The following SLC35F4 variants were observed in gnomAD, a reference collection of about 807,000 sequenced individuals.
SLC35F4 encodes chromosome 14 open reading frame 36.
Under a neutral mutation model 44.2 loss-of-function variants are expected in SLC35F4, and 24 were observed. The ratio of observed to expected loss-of-function variants is 0.54; its 90% CI spans 0.39 to 0.76. The LOEUF (loss-of-function observed/expected upper bound fraction) is 0.76. Ranked by LOEUF, SLC35F4 falls within the 30% of genes least tolerant of loss-of-function variation. SLC35F4 has a pLI of 0.00. For missense variants in SLC35F4, 562 were observed against 586.1 expected (o/e 0.96, Z 0.42); for synonymous variants, 238 against 223.6 (o/e 1.06, Z -0.57).
At chr14:57,663,698 G>A (rs1174490241) in intron 1 of SLC35F4, among the ~76,000 whole-genome samples, 4 of 152,156 alleles carry the variant, frequency 2.6e-5, no homozygotes, top group Non-Finnish European at 5.9e-5. Flanking sequence ...AGAGCCACAG[G>A]TAACTAAAAT....
At chr14:57,795,806 C>A (rs1157516885) in intron 1 of SLC35F4, among the ~76,000 whole-genome samples, 1 of 151,766 alleles carries the variant, frequency 6.6e-6, no homozygotes, top group East Asian at 1.9e-4. Flanking sequence ...TTCCTTCCAA[C>A]CTTTATATTA....
intron 3 of SLC35F4, among the ~76,000 whole-genome samples, chr14:57,587,419 T>G (rs936056162): frequency 6.6e-6 from 1 of 152,176 alleles, no homozygotes; most frequent in Non-Finnish European, 1.5e-5. Context: ...GTGGCACATA[T>G]ACACTATGGA....
intron 1 of SLC35F4, among the ~76,000 whole-genome samples, chr14:57,791,667 A>G (rs1279110814): frequency 6.6e-6 from 1 of 152,242 alleles, no homozygotes; most frequent in Non-Finnish European, 1.5e-5. Flanking sequence ...ATGCACATGT[A>G]TATTTACTAC....
chr14:57,909,238 C>A (rs1299730555), intron 1 of SLC35F4, among the ~76,000 whole-genome samples: 3 of 152,104 alleles, frequency 2.0e-5, no homozygotes, highest in Non-Finnish European at 4.4e-5. Context: ...GCACCCCACC[C>A]CATAGTGGTA....
chr14:57,865,431 G>T (rs1476428849), intron 1 of SLC35F4, among the ~76,000 whole-genome samples: 1 of 152,172 alleles, frequency 6.6e-6, no homozygotes, highest in Admixed American at 6.5e-5. Flanking sequence ...GCCGGCCAAC[G>T]GCGGTCAGGA....
chr14:57,597,485 T>C (rs2070561306), intron 1 of SLC35F4, among the ~76,000 whole-genome samples: 1 of 152,176 alleles, frequency 6.6e-6, no homozygotes, highest in South Asian at 2.1e-4. Flanking sequence ...AGGACCAGAG[T>C]TAGACAAATG....
chr14:57,690,248 C>T (rs2075191321), intron 1 of SLC35F4, among the ~76,000 whole-genome samples: 2 of 152,180 alleles, frequency 1.3e-5, no homozygotes, highest in African/African-American at 4.8e-5. Flanking sequence ...CTACTGTGTG[C>T]TAGGTACTAC....
intron 1 of SLC35F4, among the ~76,000 whole-genome samples, chr14:57,967,901 A>G (rs1880930686): frequency 6.6e-6 from 1 of 152,208 alleles, no homozygotes; most frequent in Non-Finnish European, 1.5e-5. Flanking sequence ...AAAGTTAGTA[A>G]ATATTTAAAT....
chr14:57,593,029 G>T (rs557549123), intron 2 of SLC35F4, among the ~76,000 whole-genome samples: 1 of 152,156 alleles, frequency 6.6e-6, no homozygotes, highest in Non-Finnish European at 1.5e-5. Flanking sequence ...CACAGGTAGG[G>T]GGCTAAAATT....
rs74994950 is a variant in SLC35F4 at position 57,803,006 on chromosome 14, A to AAAAAG, written c.103+62716_103+62717insCTTTT. On this transcript the variant is annotated intron_variant, in intron 1 of 7. Coordinates refer to ENST00000556826, the MANE Select transcript of SLC35F4 (RefSeq NM_001306087.2). Reference sequence around the variant, plus strand: ...ATACCAAAAAAAAAAAAAAAAAAAAAGAAATTGCAGGCCAATATCCTTGAT... The same window carrying AAAAAG: ...ATACCAAAAAAAAAAAAAAAAAAAAAAAAAGGAAATTGCAGGCCAATATCCTTGAT... 7.9e-4 allele frequency among the ~76,000 whole-genome samples: 107 copies of AAAAAG among 136,196 alleles called. 3 individuals carry two copies. The highest frequency in any genetic ancestry group is 1.7e-3 in the African/African-American group (54 of 31,994). The allele number at this position is 136,196 out of a possible 152,430, so 89.3% of individuals were successfully genotyped here.
At chr14:57,669,464 G>A (rs1241894650) in intron 1 of SLC35F4, among the ~76,000 whole-genome samples, 1 of 151,972 alleles carries the variant, frequency 6.6e-6, no homozygotes, top group African/African-American at 2.4e-5. Flanking sequence ...ATTGGCTGTG[G>A]GTTTGTCATA....
At chr14:57,928,584 C>T (rs745585793) in intron 1 of SLC35F4, among the ~76,000 whole-genome samples, 8 of 152,234 alleles carry the variant, frequency 5.3e-5, no homozygotes, top group Admixed American at 3.3e-4. Context: ...GTGTGGTGTG[C>T]GATAAAGCTA....
At chr14:57,873,262 G>C (rs1888331992) in intron 1 of SLC35F4, among the ~76,000 whole-genome samples, 1 of 151,946 alleles carries the variant, frequency 6.6e-6, no homozygotes, top group Non-Finnish European at 1.5e-5. Flanking sequence ...CTCTCCAGTT[G>C]TGCTGTGAAA....
intron 1 of SLC35F4, among the ~76,000 whole-genome samples, chr14:57,631,999 G>A (rs2072799205): frequency 2.0e-5 from 3 of 152,090 alleles, no homozygotes; most frequent in African/African-American, 7.2e-5. Context: ...ACAAAACAAT[G>A]GTTCTGAAAT....
intron 1 of SLC35F4, among the ~76,000 whole-genome samples, chr14:57,640,484 CCT>C (rs1384633634): frequency 1.3e-5 from 2 of 151,978 alleles, no homozygotes; most frequent in Admixed American, 6.6e-5. Flanking sequence ...GAGTAACTCC[CCT>C]GTTTTATTTT....
intron 1 of SLC35F4, among the ~76,000 whole-genome samples, chr14:57,892,989 C>T (rs1417035874): frequency 6.6e-6 from 1 of 152,184 alleles, no homozygotes; most frequent in Non-Finnish European, 1.5e-5. Context: ...CTATTTCCTG[C>T]TTAAAAGAAA....
intron 1 of SLC35F4, among the ~76,000 whole-genome samples, chr14:57,865,042 C>T (rs994136358): frequency 6.8e-5 from 10 of 147,966 alleles, no homozygotes; most frequent in African/African-American, 2.5e-4. Context: ...GTGGCCCTGT[C>T]GCCTCCCCTT....
intron 1 of SLC35F4, among the ~76,000 whole-genome samples, chr14:57,702,863 A>G (rs2075577053): frequency 6.6e-6 from 1 of 152,182 alleles, no homozygotes; most frequent in Non-Finnish European, 1.5e-5. Flanking sequence ...AGGCTATAAA[A>G]TAAAGGCAGT....
intron 1 of SLC35F4, among the ~76,000 whole-genome samples, chr14:57,907,869 G>T (rs998096381): frequency 6.6e-6 from 1 of 151,846 alleles, no homozygotes; most frequent in Non-Finnish European, 1.5e-5. Context: ...GAACGTGCAG[G>T]GTTGTTACAT....
Sources: allele counts gnomAD v4.1 joint callset (sites outside exome capture counted in the v4.1 genomes callset), GRCh38; gene constraint gnomAD v4.1.1; transcripts MANE v1.5; gene names NCBI Gene and HGNC (gene_info 2026-07-23, HGNC 2026-07-21).